Variants in LRMDA observed in about 807,000 individuals in gnomAD.
The protein encoded by LRMDA is leucine rich melanocyte differentiation associated, also known as leucine-rich melanocyte differentiation-associated protein.
LRMDA carries 18 observed loss-of-function variants against 29.8 expected under a neutral mutation model. The observed-to-expected ratio is 0.60, with a 90% CI of 0.42 to 0.90. The LOEUF is 0.90. Among genes scored for constraint, LRMDA ranks in the 40% least tolerant of loss-of-function variants. LRMDA has a pLI of 0.00. For missense variants in LRMDA, 273 were observed against 273.9 expected (o/e 1.00, Z 0.02); for synonymous variants, 125 against 109.4 (o/e 1.14, Z -0.89).
chr10:75,542,285 T>A (rs945661099), intron 2 of LRMDA, among the ~76,000 whole-genome samples: 1 of 152,194 alleles, frequency 6.6e-6, no homozygotes, highest in Non-Finnish European at 1.5e-5. Context: ...AAACTTTTTT[T>A]TTTTTGGTTT....
At position 76,379,485 on chromosome 10, in the gene LRMDA, G is replaced by T. The variant is rs994368997; in HGVS notation, c.601+55000G>T. On this transcript the variant is annotated intron_variant, in intron 6 of 6. Coordinates refer to ENST00000611255, the MANE Select transcript of LRMDA (RefSeq NM_001305581.2). ...GTTATATATTTATCGATTTCCTATAGGTTTTCTAATTTGTATGCATAGAAA... is the reference window on the plus strand; with the variant it reads ...GTTATATATTTATCGATTTCCTATATGTTTTCTAATTTGTATGCATAGAAA... 5.9e-5 allele frequency among the ~76,000 whole-genome samples: 9 copies of T among 151,860 alleles called. No individual in the cohort carries two copies. The South Asian group carries it at 1.9e-3, about 32-fold the overall frequency.
At chr10:75,791,213 G>A (rs909230995) in intron 2 of LRMDA, among the ~76,000 whole-genome samples, 3 of 152,136 alleles carry the variant, frequency 2.0e-5, no homozygotes, top group African/African-American at 7.2e-5. Context: ...GTGCACTAGA[G>A]TGCTTTCTTA....
At chr10:76,431,510 G>A (rs965370468) in intron 6 of LRMDA, among the ~76,000 whole-genome samples, 1 of 152,162 alleles carries the variant, frequency 6.6e-6, no homozygotes, top group Non-Finnish European at 1.5e-5. Context: ...TCTCCTGTAT[G>A]TAGCTCAGTT....
chr10:75,777,898 A>T (rs993205005), intron 2 of LRMDA, among the ~76,000 whole-genome samples: 6 of 152,218 alleles, frequency 3.9e-5, no homozygotes, highest in Admixed American at 6.5e-5. Flanking sequence ...AGTTATATAT[A>T]ATGCACATAT....
At chr10:75,779,048 T>C (rs1450002525) in intron 2 of LRMDA, among the ~76,000 whole-genome samples, 1 of 152,188 alleles carries the variant, frequency 6.6e-6, no homozygotes, top group African/African-American at 2.4e-5. Flanking sequence ...TAAATGGTTC[T>C]TTTGTAAAGG....
intron 6 of LRMDA, among the ~76,000 whole-genome samples, chr10:76,383,415 C>CTTTTTT (rs1157185768): frequency 4.6e-5 from 4 of 87,266 alleles, no homozygotes; most frequent in Non-Finnish European, 8.2e-5. Flanking sequence ...AATGTCTTTT[C>CTTTTTT]TTTTTTTTTT....
At chr10:75,432,478 G>A (rs188499526) in intron 1 of LRMDA, among the ~76,000 whole-genome samples, 30 of 152,332 alleles carry the variant, frequency 2.0e-4, no homozygotes, top group African/African-American at 7.0e-4. Flanking sequence ...GTTCATTGTT[G>A]GAGGGATGAA....
At chr10:75,447,565 TCTTTA>T (rs1352004917) in intron 2 of LRMDA, among the ~76,000 whole-genome samples, 1 of 152,064 alleles carries the variant, frequency 6.6e-6, no homozygotes, top group Non-Finnish European at 1.5e-5. Context: ...ACTTTGATTC[TCTTTA>T]CTTGCACTTT....
intron 2 of LRMDA, among the ~76,000 whole-genome samples, chr10:75,685,503 G>C (rs1842070488): frequency 6.6e-6 from 1 of 152,212 alleles, no homozygotes; most frequent in South Asian, 2.1e-4. Flanking sequence ...AGTTTTCCAG[G>C]TGGCCCCACC....
chr10:76,128,026 C>T (rs530375130), intron 5 of LRMDA, among the ~76,000 whole-genome samples: 1 of 152,268 alleles, frequency 6.6e-6, no homozygotes, highest in South Asian at 2.1e-4. Context: ...AGTGCTTCTG[C>T]TCACTAATAC....
intron 5 of LRMDA, among the ~76,000 whole-genome samples, chr10:76,261,310 G>A (rs577465575): frequency 1.3e-5 from 2 of 151,716 alleles, no homozygotes; most frequent in African/African-American, 2.4e-5. Flanking sequence ...CTGACCTCGT[G>A]ATCTGCCTGC....
intron 6 of LRMDA, among the ~76,000 whole-genome samples, chr10:76,373,313 T>G (rs1841477053): frequency 6.6e-6 from 1 of 152,144 alleles, no homozygotes; most frequent in African/African-American, 2.4e-5. Flanking sequence ...CCATCAGCAT[T>G]GGCGATGTGA....
At chr10:75,753,532 C>T (rs1315113322) in intron 2 of LRMDA, among the ~76,000 whole-genome samples, 1 of 152,012 alleles carries the variant, frequency 6.6e-6, no homozygotes, top group Admixed American at 6.6e-5. Flanking sequence ...ACAGCATGTG[C>T]AAAGGCCCCA....
intron 6 of LRMDA, among the ~76,000 whole-genome samples, chr10:76,408,581 G>C (rs1179086878): frequency 6.6e-6 from 1 of 152,184 alleles, no homozygotes; most frequent in East Asian, 1.9e-4. Flanking sequence ...CATTTATATT[G>C]ATGTGATTTT....
intron 2 of LRMDA, among the ~76,000 whole-genome samples, chr10:75,946,385 CT>C (rs1589262577): frequency 6.6e-6 from 1 of 152,242 alleles, no homozygotes; most frequent in African/African-American, 2.4e-5. Context: ...CACTGTGCCC[CT>C]GTGCAGGGAG....
intron 2 of LRMDA, among the ~76,000 whole-genome samples, chr10:75,944,492 T>C (rs1190660536): frequency 1.3e-5 from 2 of 151,866 alleles, no homozygotes; most frequent in Non-Finnish European, 2.9e-5. Flanking sequence ...TTCATATATA[T>C]TTTTTTCTGC....
intron 6 of LRMDA, among the ~76,000 whole-genome samples, chr10:76,473,376 G>A (rs1412285391): frequency 6.6e-6 from 1 of 151,378 alleles, no homozygotes; most frequent in African/African-American, 2.4e-5. Context: ...ACGCGATAAA[G>A]GACATCTGTG....
intron 2 of LRMDA, among the ~76,000 whole-genome samples, chr10:75,756,343 A>G (rs1843032235): frequency 6.6e-6 from 1 of 152,066 alleles, no homozygotes; most frequent in Non-Finnish European, 1.5e-5. Context: ...GCTGCCTGGA[A>G]CTGGTTGTGA....
chr10:76,555,563 T>A (rs1264670431), intron 6 of LRMDA, among the ~76,000 whole-genome samples: 1 of 152,200 alleles, frequency 6.6e-6, no homozygotes, highest in African/African-American at 2.4e-5. Flanking sequence ...AATTTCTAGC[T>A]TTGTTCCAAG....
Sources: allele counts gnomAD v4.1 joint callset (sites outside exome capture counted in the v4.1 genomes callset), GRCh38; gene constraint gnomAD v4.1.1; transcripts MANE v1.5; gene names NCBI Gene and HGNC (gene_info 2026-07-23, HGNC 2026-07-21).